Variants in POLD3 observed in about 807,000 individuals in gnomAD.
POLD3 encodes DNA polymerase delta 3, accessory subunit.
Under a neutral mutation model 58.2 loss-of-function variants are expected in POLD3, and 19 were observed. The observed-to-expected ratio is 0.33, with a 90% CI of 0.23 to 0.48. The LOEUF is 0.48. POLD3 is among the 20% of genes least tolerant of loss of function. The pLI, the probability that POLD3 is intolerant of heterozygous loss-of-function variation, is 0.99. For synonymous variants in POLD3, 172 were observed against 193.5 expected, an observed-to-expected ratio of 0.89 and a Z score of 0.92; for missense variants, 504 against 545.5, an observed-to-expected ratio of 0.92 and a Z score of 0.76.
chr11:74,629,726 C>T (rs910702679), intron 9 of POLD3, among the ~76,000 whole-genome samples: 1 of 151,998 alleles, frequency 6.6e-6, no homozygotes, highest in East Asian at 1.9e-4. Context: ...CTGGAACAAC[C>T]TACAGTGTCA....
At chr11:74,593,895 C>T (rs1205274457) in intron 1 of POLD3, among the ~76,000 whole-genome samples, 166 bp from the exon 2 acceptor site, 1 of 152,152 alleles carries the variant, frequency 6.6e-6, no homozygotes, top group African/African-American at 2.4e-5. Context: ...ATAAATAGGT[C>T]CTGCCTACCC....
chr11:74,667,580 T>G (rs1446006232), intron 4 of POLD3, among the ~76,000 whole-genome samples: 1 of 151,054 alleles, frequency 6.6e-6, no homozygotes, highest in African/African-American at 2.5e-5. Flanking sequence ...ATTTAAAAAT[T>G]TTAAATAAAA....
At chr11:74,618,469 C>G in intron 5 of POLD3, 68 bp from the exon 6 acceptor site, 2 of 1,112,944 alleles carry the variant, frequency 1.8e-6, no homozygotes, top group Non-Finnish European at 2.5e-6. Context: ...TTTTTTTTTT[C>G]TTTTTTTGTT....
rs1040905188 is a variant in POLD3, at chr11:74,610,335, C to T, written c.220-1164C>T. On this transcript the variant is annotated intron_variant, in intron 3 of 11. Transcript: ENST00000263681. The stretch of plus-strand genomic sequence containing the variant: ...AAGTGACTCTCCTGCCTCAGCCTCC[C>T]GAGTAGCTGGGACTACAGGCATGCA... Among the ~76,000 whole-genome samples the T allele has an allele frequency of 1.1e-4, 16 of 151,866 alleles. No homozygotes were observed. In the East Asian group the frequency reaches 1.7e-3, roughly 17 times the overall value.
chr11:74,649,404 A>G lies in POLD3; in HGVS notation c.369+13129A>G, dbSNP rs79938411. On this transcript the variant is annotated intron_variant, in intron 4 of 4. Transcript: ENST00000524752. ...ATTTGAGAGGCAGACAGAGTATCCT[A>G]TTGTCATCCATTCTTAGTGTAAGTT... Among the ~76,000 whole-genome samples the G allele has an allele frequency of 1.3e-4, 20 of 152,266 alleles. No individual in the cohort carries two copies. In the East Asian group the frequency reaches 3.5e-3, roughly 26 times the overall value.
intron 5 of POLD3, among the ~76,000 whole-genome samples, chr11:74,617,653 GC>G (rs1395803060): frequency 6.6e-6 from 1 of 152,128 alleles, no homozygotes; most frequent in East Asian, 1.9e-4. Flanking sequence ...ACCTGCCTTG[GC>G]CTCCCAAAGT....
chr11:74,621,333 C>T (rs766907229), intron 7 of POLD3, among the ~76,000 whole-genome samples: 28 of 152,058 alleles, frequency 1.8e-4, no homozygotes, highest in Non-Finnish European at 3.4e-4. Flanking sequence ...ATCTAGATTG[C>T]GGGCTCCTTA....
At chr11:74,640,082 A>G (rs1470969596) in intron 11 of POLD3, among the ~76,000 whole-genome samples, 1 of 152,196 alleles carries the variant, frequency 6.6e-6, no homozygotes, top group Non-Finnish European at 1.5e-5. Flanking sequence ...CCTTGGTTAA[A>G]CAGAATGGAG....
At chr11:74,607,278 T>TTTA (rs1565114194) in intron 3 of POLD3, among the ~76,000 whole-genome samples, 29 of 103,812 alleles carry the variant, frequency 2.8e-4, no homozygotes, top group African/African-American at 7.5e-4. Flanking sequence ...TTATTTATTT[T>TTTA]TTGAGACCGA....
chr11:74,639,518 CGCTT>C (rs1484215896), intron 11 of POLD3, among the ~76,000 whole-genome samples: 1 of 152,208 alleles, frequency 6.6e-6, no homozygotes, highest in African/African-American at 2.4e-5. Context: ...GTTTCTCTAT[CGCTT>C]GCTGCAACCA....
chr11:74,639,336 C>G (rs2032844608), intron 11 of POLD3, among the ~76,000 whole-genome samples: 1 of 152,128 alleles, frequency 6.6e-6, no homozygotes, highest in Non-Finnish European at 1.5e-5. Flanking sequence ...GATTCCAAAG[C>G]TTATGCCTCT....
intron 10 of POLD3, 134 bp from the exon 11 acceptor site, chr11:74,636,063 A>G (rs537306577): frequency 7.3e-6 from 6 of 821,878 alleles, no homozygotes; most frequent in Middle Eastern, 2.9e-4. Flanking sequence ...CTCTAAAACT[A>G]ATGTAGAGTT....
At chr11:74,594,210 T>G in intron 2 of POLD3, 94 bp downstream of exon 2, 2 of 757,436 alleles carry the variant, frequency 2.6e-6, no homozygotes, top group Non-Finnish European at 4.7e-6. Context: ...CTACATAGAT[T>G]AGAGCTAATT....
chr11:74,667,529 C>CAAAAAAAAA (rs1303701288), intron 4 of POLD3, among the ~76,000 whole-genome samples: 2 of 150,706 alleles, frequency 1.3e-5, no homozygotes, highest in African/African-American at 4.9e-5. Context: ...GACTCCGTCT[C>CAAAAAAAAA]AAAAAAAAGG....
At chr11:74,608,858 T>A (rs191783951) in intron 3 of POLD3, among the ~76,000 whole-genome samples, 14 of 152,324 alleles carry the variant, frequency 9.2e-5, no homozygotes, top group Non-Finnish European at 1.3e-4. Flanking sequence ...TTTTCTTCCC[T>A]TGAATAAACC....
At chr11:74,658,039 C>T (rs1411356096) in intron 4 of POLD3, among the ~76,000 whole-genome samples, 1 of 152,070 alleles carries the variant, frequency 6.6e-6, no homozygotes, top group Non-Finnish European at 1.5e-5. Flanking sequence ...TCATCTTGTA[C>T]TTGGGTATTT....
intron 3 of POLD3, among the ~76,000 whole-genome samples, chr11:74,611,213 A>G (rs985228851): frequency 6.6e-6 from 1 of 152,216 alleles, no homozygotes; most frequent in African/African-American, 2.4e-5. Flanking sequence ...GCCTTTGCTC[A>G]CACTGATTTG....
At chr11:74,657,473 C>T (rs1260232187) in intron 4 of POLD3, among the ~76,000 whole-genome samples, 1 of 151,152 alleles carries the variant, frequency 6.6e-6, no homozygotes, top group Non-Finnish European at 1.5e-5. Flanking sequence ...CAAATACTAT[C>T]TTATGACTCA....
chr11:74,619,149 A>G (rs1479618619), intron 6 of POLD3, among the ~76,000 whole-genome samples: 1 of 152,212 alleles, frequency 6.6e-6, no homozygotes, highest in Non-Finnish European at 1.5e-5. Context: ...TTTCTGAGGA[A>G]CATCTTATAT....
Sources: gnomAD v4.1 joint callset for allele counts (sites outside exome capture counted in the v4.1 genomes callset) on GRCh38, gnomAD v4.1.1 for gene constraint, MANE v1.5 for transcripts, NCBI Gene and HGNC (gene_info 2026-07-23, HGNC 2026-07-21) for gene names.